The following ME3 variants were observed in gnomAD, a reference collection of about 807,000 sequenced individuals.
ME3 encodes NADP-dependent malic enzyme, mitochondrial.
In ME3, 48 loss-of-function variants were observed where a neutral mutation model predicts 68.9. That is an observed-to-expected ratio of 0.70 (90% CI 0.55 to 0.89). The LOEUF is 0.89. Among genes scored for constraint, ME3 ranks in the 40% least tolerant of loss-of-function variants. The pLI is 0.00. For synonymous variants in ME3, 320 were observed against 318.8 expected (o/e 1.00, Z -0.04); for missense variants, 675 against 797.4 (o/e 0.85, Z 1.85).
At chr11:86,504,380 CTTTTTTTTTTTT>C (rs35899335) in intron 5 of ME3, among the ~76,000 whole-genome samples, 14 of 77,406 alleles carry the variant, frequency 1.8e-4, no homozygotes, top group East Asian at 7.7e-4. Flanking sequence ...CCTATACATT[CTTTTTTTTTTTT>C]TTTTTTTTTT....
chr11:86,623,024 G>A (rs1475651314), intron 2 of ME3, among the ~76,000 whole-genome samples: 1 of 152,168 alleles, frequency 6.6e-6, no homozygotes, highest in Non-Finnish European at 1.5e-5. Flanking sequence ...ATTTGTGATG[G>A]TTAGTTTTAT....
intron 2 of ME3, among the ~76,000 whole-genome samples, chr11:86,570,088 GC>G (rs1957704291): frequency 6.6e-6 from 1 of 152,102 alleles, no homozygotes; most frequent in African/African-American, 2.4e-5. Flanking sequence ...CATGCACCTG[GC>G]CCACGGCACA....
chr11:86,555,588 G>A (rs1956886585), intron 4 of ME3, among the ~76,000 whole-genome samples: 1 of 152,196 alleles, frequency 6.6e-6, no homozygotes, highest in South Asian at 2.1e-4. Flanking sequence ...GGTTTGATGT[G>A]CTATCCTTTG....
At chr11:86,595,759 G>A (rs537270099) in intron 2 of ME3, among the ~76,000 whole-genome samples, 3 of 152,350 alleles carry the variant, frequency 2.0e-5, no homozygotes, top group African/African-American at 7.2e-5. Context: ...ATGGGTTGAT[G>A]TGTAAGAGGC....
chr11:86,671,815 C>T (rs200550615), exon 2 of ME3: 1 of 1,602,076 alleles, frequency 6.2e-7, no homozygotes, highest in Non-Finnish European at 8.5e-7. Flanking sequence ...TTCAGGGGCA[C>T]AGGGCGCGCC....
intron 2 of ME3, among the ~76,000 whole-genome samples, chr11:86,603,466 T>A (rs1961067905): frequency 6.6e-6 from 1 of 152,152 alleles, no homozygotes; most frequent in Admixed American, 6.5e-5. Context: ...CTGGAGAGGA[T>A]GTGGAGAAAT....
chr11:86,567,844 T>G (rs1957570271), intron 2 of ME3, among the ~76,000 whole-genome samples: 1 of 152,194 alleles, frequency 6.6e-6, no homozygotes, highest in African/African-American at 2.4e-5. Flanking sequence ...CACTAGGGCT[T>G]AAGGGGGAAG....
At chr11:86,542,337 G>A (rs972742419) in intron 4 of ME3, among the ~76,000 whole-genome samples, 7 of 152,170 alleles carry the variant, frequency 4.6e-5, no homozygotes, top group Non-Finnish European at 8.8e-5. Context: ...GCTTCAGAAG[G>A]TGGGTAATAA....
chr11:86,594,697 C>A (rs1241685153), intron 2 of ME3, among the ~76,000 whole-genome samples: 1 of 145,394 alleles, frequency 6.9e-6, no homozygotes, highest in Non-Finnish European at 1.5e-5. Flanking sequence ...TACAAAAAAA[C>A]ACAAAAAAAC....
intron 8 of ME3, among the ~76,000 whole-genome samples, chr11:86,454,220 A>G (rs1949794482): frequency 6.6e-6 from 1 of 152,254 alleles, no homozygotes; most frequent in African/African-American, 2.4e-5. Context: ...TGTGTTTTAA[A>G]GTGCTACAAT....
chr11:86,477,618 C>T (rs369190311), intron 7 of ME3, among the ~76,000 whole-genome samples: 4 of 152,112 alleles, frequency 2.6e-5, no homozygotes, highest in Admixed American at 6.5e-5. Flanking sequence ...TGATACCAAG[C>T]GATAAAATCA....
chr11:86,671,868 G>C, exon 2 of ME3: 1 of 1,572,574 alleles, frequency 6.4e-7, no homozygotes, highest in Non-Finnish European at 8.6e-7. Context: ...CGCGGTGGGT[G>C]TCCAGCGCGG....
intron 4 of ME3, among the ~76,000 whole-genome samples, chr11:86,545,502 C>T (rs1158699294): frequency 6.6e-6 from 1 of 152,156 alleles, no homozygotes; most frequent in East Asian, 1.9e-4. Flanking sequence ...GCAAAAATCA[C>T]AAGCATTGCT....
At chr11:86,450,689 T>C (rs776704523) in intron 8 of ME3, among the ~76,000 whole-genome samples, 1 of 152,126 alleles carries the variant, frequency 6.6e-6, no homozygotes. Flanking sequence ...ATGACAAGGA[T>C]AAATATAATG....
intron 5 of ME3, among the ~76,000 whole-genome samples, chr11:86,505,643 G>A (rs623478): frequency 0.69 from 104,272 of 152,040 alleles, 35,882 homozygotes; most frequent in Admixed American, 0.73. Context: ...AGTGATGACA[G>A]TATCCATTCA....
rs2685144 is a variant in ME3, at chr11:86,653,481, G to C, written c.183+18281C>G. On this transcript the variant is annotated intron_variant, in intron 2 of 14. Coordinates refer to ENST00000543262, the Ensembl canonical transcript of ME3. ...CAACTACATGGAAACTGAACAACCT[G>C]CTCCTGAATGACTACTGGGTACATA... is the stretch of plus-strand genomic sequence containing the variant. Among the ~76,000 whole-genome samples the C allele has an allele frequency of 1.1e-3, 175 of 152,290 alleles. 1 individual carries two copies. The highest frequency in any genetic ancestry group is 3.7e-3 in the African/African-American group (152 of 41,562).
At chr11:86,616,262 A>G (rs1226847575) in intron 2 of ME3, among the ~76,000 whole-genome samples, 1 of 152,200 alleles carries the variant, frequency 6.6e-6, no homozygotes, top group Non-Finnish European at 1.5e-5. Context: ...AATAATTGTA[A>G]AGAGATTTTA....
intron 2 of ME3, among the ~76,000 whole-genome samples, chr11:86,612,557 C>A (rs1471547521): frequency 6.6e-6 from 1 of 152,238 alleles, no homozygotes; most frequent in African/African-American, 2.4e-5. Context: ...TATTTCTCCA[C>A]AGCCTCACAA....
At chr11:86,508,823 A>G (rs1953283610) in exon 5 of ME3, 1 of 1,613,692 alleles carries the variant, frequency 6.2e-7, no homozygotes, top group Non-Finnish European at 8.5e-7. Flanking sequence ...AGAATTCAGC[A>G]TTGTTGCAAG....
Sources: allele counts gnomAD v4.1 joint callset (sites outside exome capture counted in the v4.1 genomes callset), GRCh38; gene constraint gnomAD v4.1.1; transcripts MANE v1.5; gene names NCBI Gene and HGNC (gene_info 2026-07-23, HGNC 2026-07-21).